Variants in FAM184A observed in about 807,000 individuals in gnomAD.
FAM184A encodes the protein protein FAM184A.
FAM184A carries 99 observed loss-of-function variants against 143.8 expected under a neutral mutation model. The ratio of observed to expected loss-of-function variants is 0.69; its 90% CI spans 0.58 to 0.81. The LOEUF (loss-of-function observed/expected upper bound fraction) is 0.81. Among genes scored for constraint, FAM184A ranks in the 40% least tolerant of loss-of-function variants. The pLI is 0.00. For synonymous variants in FAM184A, 427 were observed against 446.4 expected (o/e 0.96, Z 0.55); for missense variants, 1,217 against 1,310.5 (o/e 0.93, Z 1.10).
intron 4 of FAM184A, among the ~76,000 whole-genome samples, chr6:119,019,213 A>C (rs1785364752): frequency 6.6e-6 from 1 of 152,202 alleles, no homozygotes; most frequent in Non-Finnish European, 1.5e-5. Flanking sequence ...AGGAGGTACG[A>C]GAAAAATGTG....
intron 14 of FAM184A, among the ~76,000 whole-genome samples, chr6:118,969,387 G>GA (rs1225828159): frequency 2.6e-5 from 4 of 152,020 alleles, no homozygotes; most frequent in Non-Finnish European, 4.4e-5. Flanking sequence ...TGATTAAATA[G>GA]AAAAAACATA....
intron 1 of FAM184A, among the ~76,000 whole-genome samples, chr6:119,067,019 A>C (rs544988254): frequency 1.3e-5 from 2 of 152,364 alleles, no homozygotes; most frequent in South Asian, 4.1e-4. Context: ...GATTTTATTT[A>C]AACTAAAATA....
intron 1 of FAM184A, among the ~76,000 whole-genome samples, chr6:119,039,526 A>G (rs1256203407): frequency 6.6e-6 from 1 of 152,256 alleles, no homozygotes; most frequent in Non-Finnish European, 1.5e-5. Context: ...CAAATTGAAA[A>G]AGCTACATAT....
At chr6:119,121,087 G>A (rs531348408) in intron 1 of FAM184A, among the ~76,000 whole-genome samples, 6 of 151,538 alleles carry the variant, frequency 4.0e-5, no homozygotes, top group Admixed American at 3.3e-4. Context: ...TGGGATTATA[G>A]GTGTGAGCCA....
At chr6:119,112,397 G>C (rs1040554660) in intron 1 of FAM184A, among the ~76,000 whole-genome samples, 1 of 152,084 alleles carries the variant, frequency 6.6e-6, no homozygotes, top group African/African-American at 2.4e-5. Context: ...CAAAGTGCTG[G>C]GATTACAGGC....
intron 1 of FAM184A, among the ~76,000 whole-genome samples, chr6:119,139,943 C>T (rs192922649): frequency 1.1e-4 from 17 of 152,358 alleles, no homozygotes; most frequent in Non-Finnish European, 2.2e-4. Flanking sequence ...TCTGCAGCTG[C>T]TGCCATCATC....
chr6:118,971,211 A>C (rs1197847306), intron 14 of FAM184A, among the ~76,000 whole-genome samples: 4 of 152,218 alleles, frequency 2.6e-5, no homozygotes, highest in Non-Finnish European at 5.9e-5. Context: ...CAAAGCTTAC[A>C]ACCATACCTG....
chr6:119,050,806 C>T (rs571742192), intron 1 of FAM184A, among the ~76,000 whole-genome samples: 94 of 145,742 alleles, frequency 6.4e-4, no homozygotes, highest in African/African-American at 1.8e-3. Flanking sequence ...AGCGAGACTC[C>T]GTCTCAAAAA....
intron 1 of FAM184A, among the ~76,000 whole-genome samples, chr6:119,102,057 AAAAAAT>A (rs1227723653): frequency 6.6e-6 from 1 of 152,186 alleles, no homozygotes; most frequent in East Asian, 1.9e-4. Flanking sequence ...CTTCATCTCA[AAAAAAT>A]AAAAATAAAA....
intron 7 of FAM184A, chr6:119,006,074 TG>T: frequency 1.3e-6 from 1 of 765,112 alleles, no homozygotes; most frequent in South Asian, 1.3e-5. Flanking sequence ...TGGAGTAGAA[TG>T]AGCCCTTGTT....
At chr6:119,107,405 G>C (rs1390181579) in intron 1 of FAM184A, among the ~76,000 whole-genome samples, 1 of 152,164 alleles carries the variant, frequency 6.6e-6, no homozygotes, top group African/African-American at 2.4e-5. Flanking sequence ...CATTTATTTG[G>C]TGAGGGAAGG....
chr6:119,102,071 A>G (rs1287428340), intron 1 of FAM184A, among the ~76,000 whole-genome samples: 1 of 152,168 alleles, frequency 6.6e-6, no homozygotes, highest in African/African-American at 2.4e-5. Context: ...AATAAAAATA[A>G]AAATAAATAA....
At chr6:119,067,059 C>T (rs1787476347) in intron 1 of FAM184A, among the ~76,000 whole-genome samples, 1 of 152,038 alleles carries the variant, frequency 6.6e-6, no homozygotes, top group Non-Finnish European at 1.5e-5. Context: ...TGCTCCATGC[C>T]CTGGAATCAT....
chr6:119,075,885 G>T (rs185898060), intron 1 of FAM184A, among the ~76,000 whole-genome samples: 33 of 152,250 alleles, frequency 2.2e-4, no homozygotes, highest in Non-Finnish European at 1.5e-5. Context: ...TATAAAGAAA[G>T]CAAGTCTTAT....
chr6:119,129,167 A>C (rs1163102447), intron 1 of FAM184A, among the ~76,000 whole-genome samples: 1 of 152,130 alleles, frequency 6.6e-6, no homozygotes, highest in Non-Finnish European at 1.5e-5. Flanking sequence ...TGTACCTTAC[A>C]TGTATTGATT....
chr6:119,090,853 A>C lies in FAM184A; in HGVS notation c.-202+58225T>G, dbSNP rs568275001. ...ATCCAAGCTCTTGGTTGGCTTACCCATGTCAGGCTGAGGCTGCTATAATTT... is the reference window on the plus strand; with the variant it reads ...ATCCAAGCTCTTGGTTGGCTTACCCCTGTCAGGCTGAGGCTGCTATAATTT... On this transcript the variant is annotated intron_variant, in intron 1 of 16. Coordinates refer to the FAM184A transcript ENST00000352896. Among the ~76,000 whole-genome samples the C allele has an allele frequency of 2.0e-5, 3 of 152,308 alleles. No homozygotes were observed. The East Asian group carries it at 5.8e-4, about 29-fold the overall frequency.
chr6:119,148,715 G>A (rs565283004), intron 1 of FAM184A, among the ~76,000 whole-genome samples: 1 of 152,164 alleles, frequency 6.6e-6, no homozygotes. Context: ...ATTGAGAAGT[G>A]GCCACATGAT....
intron 1 of FAM184A, among the ~76,000 whole-genome samples, chr6:119,045,647 C>T (rs1284713269): frequency 2.6e-5 from 4 of 152,112 alleles, no homozygotes; most frequent in Non-Finnish European, 4.4e-5. Flanking sequence ...AGACTGCCTG[C>T]CTGCCTCATA....
At position 118,984,156 on chromosome 6, in the gene FAM184A, A is replaced by AT. The variant is rs1291999363; in HGVS notation, c.2089-3807_2089-3806insA. ...TGATAACGAAACTCCATTTAAAAAAAAAATATATATATATATATATATTTA... is the reference window on the plus strand; with the variant it reads ...TGATAACGAAACTCCATTTAAAAAAATAAATATATATATATATATATATTTA... On this transcript the variant is annotated intron_variant, in intron 9 of 17. Coordinates refer to ENST00000338891, the MANE Select transcript of FAM184A (RefSeq NM_024581.6). Among the ~76,000 whole-genome samples the AT allele has an allele frequency of 5.2e-3, 634 of 120,828 alleles. 6 individuals are homozygous for AT. Among genetic ancestry groups the AT allele is most frequent in the Admixed American group, 8.3e-3 (99 of 11,864 alleles). The allele number at this position is 120,828 out of a possible 152,430, so 79.3% of individuals were successfully genotyped here.
Sources: gnomAD v4.1 joint callset for allele counts (sites outside exome capture counted in the v4.1 genomes callset) on GRCh38, gnomAD v4.1.1 for gene constraint, MANE v1.5 for transcripts, NCBI Gene and HGNC (gene_info 2026-07-23, HGNC 2026-07-21) for gene names.